The following HS1BP3 variants were observed in gnomAD, a reference collection of about 807,000 sequenced individuals.
HS1BP3 encodes the protein HCLS1-binding protein 3.
Under a neutral mutation model 33.5 loss-of-function variants are expected in HS1BP3, and 32 were observed. The ratio of observed to expected loss-of-function variants is 0.95; its 90% CI spans 0.72 to 1.28. The LOEUF is 1.28. Ranked by LOEUF, HS1BP3 falls within the 50% of genes most tolerant of loss-of-function variation. The probability of loss-of-function intolerance (pLI) is 0.00; values close to 1 mark genes in which losing one functional copy is unlikely to be tolerated. For missense variants in HS1BP3, 486 were observed against 502.3 expected, an observed-to-expected ratio of 0.97 and a Z score of 0.31; for synonymous variants, 187 against 209.2, an observed-to-expected ratio of 0.89 and a Z score of 0.92.
rs148674789 is a variant in HS1BP3, at chr2:20,618,651, T to A, written c.*336A>T. On this transcript the variant is annotated 3_prime_UTR_variant, in exon 7 of 7. Coordinates refer to ENST00000304031, the MANE Select transcript of HS1BP3 (RefSeq NM_022460.4). ...AAGCTTCCCTGCCCCATGTGACACCTCGCTACGGCCCCACATGTCTTGCTT... is the reference window on the plus strand; with the variant it reads ...AAGCTTCCCTGCCCCATGTGACACCACGCTACGGCCCCACATGTCTTGCTT... The A allele has an allele frequency of 3.1e-5, 35 of 1,117,716 alleles. No individual in the cohort carries two copies. Among genetic ancestry groups the A allele is most frequent in the Middle Eastern group, 4.7e-4 (2 of 4,224 alleles). The allele number at this position is 1,117,716 out of a possible 1,614,324, so 69.2% of individuals were successfully genotyped here. A position where few individuals can be genotyped will look rare whatever the true frequency, so the allele number is the denominator to read the frequency against.
intron 1 of HS1BP3, among the ~76,000 whole-genome samples, chr2:20,648,055 G>T (rs980553602): frequency 6.6e-6 from 1 of 152,144 alleles, no homozygotes; most frequent in Non-Finnish European, 1.5e-5. Flanking sequence ...TGCTCCTAAG[G>T]CCAACCTTCT....
At chr2:20,625,847 G>A (rs1004508678) in intron 4 of HS1BP3, among the ~76,000 whole-genome samples, 4 of 152,200 alleles carry the variant, frequency 2.6e-5, no homozygotes, top group Admixed American at 2.0e-4. Flanking sequence ...TGAATGCTCA[G>A]GATCTGTGTA....
chr2:20,583,652 A>G (rs368795556), intron 5 of HS1BP3, among the ~76,000 whole-genome samples: 1 of 152,184 alleles, frequency 6.6e-6, no homozygotes, highest in East Asian at 1.9e-4. Context: ...ACCAGCCCAC[A>G]TCATCTCTCA....
intron 5 of HS1BP3, among the ~76,000 whole-genome samples, chr2:20,574,094 C>T (rs1009969769): frequency 6.6e-6 from 1 of 152,218 alleles, no homozygotes; most frequent in African/African-American, 2.4e-5. Context: ...GCAGGGAAAA[C>T]AATTGCACTG....
intron 2 of HS1BP3, among the ~76,000 whole-genome samples, chr2:20,610,356 T>C (rs1694294514): frequency 6.6e-6 from 1 of 152,186 alleles, no homozygotes; most frequent in African/African-American, 2.4e-5. Context: ...AAATCCTCTG[T>C]GCTCCTCCTA....
At chr2:20,628,030 G>T (rs894723379) in intron 4 of HS1BP3, among the ~76,000 whole-genome samples, 4 of 152,160 alleles carry the variant, frequency 2.6e-5, no homozygotes, top group African/African-American at 7.2e-5. Context: ...AGGGAAGAGG[G>T]ATAGGCTCCC....
At chr2:20,575,326 A>G (rs889328772) in intron 5 of HS1BP3, among the ~76,000 whole-genome samples, 1 of 152,246 alleles carries the variant, frequency 6.6e-6, no homozygotes, top group Non-Finnish European at 1.5e-5. Context: ...CAGGAAGGCC[A>G]GAGACACATA....
chr2:20,631,454 G>A (rs1694964272), intron 4 of HS1BP3, among the ~76,000 whole-genome samples: 1 of 137,114 alleles, frequency 7.3e-6, no homozygotes, highest in Non-Finnish European at 1.5e-5. Context: ...GGTTGAAGCT[G>A]TAGTTAGCTG....
At position 20,598,198 on chromosome 2, in the gene HS1BP3, T is replaced by C. The variant is rs190316896; in HGVS notation, c.*12+10A>G. 1.1e-3 allele frequency: 379 copies of C among 360,696 alleles called. 4 individuals carry two copies. Among genetic ancestry groups the C allele is most frequent in the South Asian group, 5.3e-3 (253 of 47,414 alleles). The allele number at this position is 360,696 out of a possible 1,614,324, so 22.3% of individuals were successfully genotyped here. A position where few individuals can be genotyped will look rare whatever the true frequency, so the allele number is the denominator to read the frequency against. ...GTTGTAATATATAATGAAATAATGA[T>C]CTAACTCACCATAATGTAGAATCAG... On this transcript the variant is annotated intron_variant, in intron 3 of 3. Coordinates refer to the HS1BP3 transcript ENST00000415264.
chr2:20,642,809 G>A (rs182745582), intron 2 of HS1BP3, among the ~76,000 whole-genome samples: 1 of 152,362 alleles, frequency 6.6e-6, no homozygotes, highest in East Asian at 1.9e-4. Context: ...GGAAGCTCAA[G>A]GTTGAGAACT....
At chr2:20,561,723 T>C (rs1022759184) in intron 5 of HS1BP3, among the ~76,000 whole-genome samples, 2 of 152,140 alleles carry the variant, frequency 1.3e-5, no homozygotes, top group Admixed American at 1.3e-4. Flanking sequence ...AAGAAATATA[T>C]ATTTTGTCTT....
chr2:20,646,574 G>A (rs1395562541), intron 1 of HS1BP3, among the ~76,000 whole-genome samples: 1 of 152,264 alleles, frequency 6.6e-6, no homozygotes, highest in Non-Finnish European at 1.5e-5. Flanking sequence ...ACTGAGTGCT[G>A]TACACACAAG....
At chr2:20,560,072 C>T (rs1020777474), downstream of HS1BP3, among the ~76,000 whole-genome samples, 4 of 152,218 alleles carry the variant, frequency 2.6e-5, no homozygotes, top group Non-Finnish European at 5.9e-5. Context: ...CAGCCCAGCA[C>T]ATACAAGCAG....
At chr2:20,591,121 G>A (rs1352946664), downstream of HS1BP3, 1 of 167,184 alleles carries the variant, frequency 6.0e-6, no homozygotes, top group Non-Finnish European at 1.5e-5. Context: ...CAGCCAGCCA[G>A]GCCCTGATAG....
At chr2:20,649,472 T>C (rs1201875619) in intron 1 of HS1BP3, among the ~76,000 whole-genome samples, 1 of 152,232 alleles carries the variant, frequency 6.6e-6, no homozygotes, top group Non-Finnish European at 1.5e-5. Flanking sequence ...TTTGTTTTCC[T>C]TCATAGCATG....
At chr2:20,560,580 T>C (rs1692966742) in intron 5 of HS1BP3, 1 of 152,264 alleles carries the variant, frequency 6.6e-6, no homozygotes, top group African/African-American at 2.4e-5. Flanking sequence ...CTCTACTATG[T>C]TAGCATTGAG....
chr2:20,601,434 G>A (rs1033742836), intron 2 of HS1BP3, among the ~76,000 whole-genome samples: 5 of 152,202 alleles, frequency 3.3e-5, no homozygotes, highest in African/African-American at 1.2e-4. Flanking sequence ...CTGAGTGAGG[G>A]TTTGATATCG....
chr2:20,603,016 C>T (rs1289487149), intron 2 of HS1BP3, among the ~76,000 whole-genome samples: 1 of 152,150 alleles, frequency 6.6e-6, no homozygotes. Context: ...CAAATCAAAA[C>T]CACCATGAGC....
rs141279118 is a variant in HS1BP3 at position 20,626,738 on chromosome 2, C to T, written c.624-1846G>A. 7.1e-3 allele frequency among the ~76,000 whole-genome samples: 1,082 copies of T among 152,196 alleles called. 18 individuals carry two copies. Among genetic ancestry groups the T allele is most frequent in the African/African-American group, 0.024 (1,014 of 41,520 alleles). On this transcript the variant is annotated intron_variant, in intron 4 of 6. Coordinates refer to ENST00000304031, the MANE Select transcript of HS1BP3 (RefSeq NM_022460.4). Reference sequence around the variant, plus strand: ...TCCTCTGCTGTGCACCACCCTCAGGCCCTGCTTGTGGTGCTGGAGGTGAGG... The same window carrying T: ...TCCTCTGCTGTGCACCACCCTCAGGTCCTGCTTGTGGTGCTGGAGGTGAGG...
Sources: gnomAD v4.1 joint callset for allele counts (sites outside exome capture counted in the v4.1 genomes callset) on GRCh38, gnomAD v4.1.1 for gene constraint, MANE v1.5 for transcripts, NCBI Gene and HGNC (gene_info 2026-07-23, HGNC 2026-07-21) for gene names.